Variants in ERAP1 observed in about 807,000 individuals in gnomAD.
The protein encoded by ERAP1 is endoplasmic reticulum aminopeptidase 1.
In ERAP1, 86 loss-of-function variants were observed where a neutral mutation model predicts 103.7. That is an observed-to-expected ratio of 0.83 (90% confidence interval 0.70 to 0.99). The LOEUF is 0.99. ERAP1 is among the 50% of genes least tolerant of loss of function. The pLI is 0.00. For missense variants in ERAP1, 1,009 were observed against 1,128.4 expected (o/e 0.89, Z 1.52); for synonymous variants, 398 against 402.4 (o/e 0.99, Z 0.13).
At chr5:96,857,558 C>T in the ERAP1 span, among the ~76,000 whole-genome samples, 1 of 152,140 alleles carries the variant, frequency 6.6e-6, no homozygotes, top group Admixed American at 6.5e-5. Context: ...TGGGTATTAT[C>T]ATCAATCCCA....
intron 18 of ERAP1, chr5:96,776,896 T>TATC (rs1774406948): frequency 4.2e-6 from 1 of 236,666 alleles, no homozygotes; most frequent in African/African-American, 2.3e-5. Context: ...AAAAACATGA[T>TATC]ATCTAAAAAG....
the ERAP1 span, among the ~76,000 whole-genome samples, chr5:96,831,708 T>C: frequency 2.0e-5 from 3 of 152,164 alleles, no homozygotes; most frequent in Admixed American, 2.0e-4. Context: ...ATAGCATCTG[T>C]CTGGCTGGGA....
the ERAP1 span, among the ~76,000 whole-genome samples, chr5:96,895,054 G>A: frequency 6.6e-6 from 1 of 151,946 alleles, no homozygotes; most frequent in African/African-American, 2.4e-5. Context: ...AGAAAACCAA[G>A]CAAAAATGTG....
chr5:96,932,678 A>C, the ERAP1 span, among the ~76,000 whole-genome samples: 1 of 152,170 alleles, frequency 6.6e-6, no homozygotes, highest in South Asian at 2.1e-4. Flanking sequence ...TGAGGCTTGG[A>C]TTTGCTGATC....
the ERAP1 span, among the ~76,000 whole-genome samples, chr5:96,891,561 CACAT>C: frequency 1.1e-4 from 13 of 118,930 alleles, no homozygotes; most frequent in African/African-American, 2.9e-4. Flanking sequence ...CACACACACA[CACAT>C]ATATGGTACA....
chr5:96,887,308 T>A, the ERAP1 span, among the ~76,000 whole-genome samples: 6 of 150,888 alleles, frequency 4.0e-5, no homozygotes, highest in Non-Finnish European at 8.9e-5. Flanking sequence ...TCCGACTTTT[T>A]TTTTTTTTTT....
At chr5:96,907,174 T>C in the ERAP1 span, among the ~76,000 whole-genome samples, 2 of 152,244 alleles carry the variant, frequency 1.3e-5, no homozygotes, top group African/African-American at 2.4e-5. Context: ...TTTATGTTTA[T>C]ATATGTTTTA....
the ERAP1 span, among the ~76,000 whole-genome samples, chr5:96,923,390 G>A: frequency 1.3e-5 from 2 of 152,064 alleles, no homozygotes; most frequent in African/African-American, 4.8e-5. Flanking sequence ...CCTAAAACGT[G>A]CTGTCTAAAA....
upstream of ERAP1, chr5:96,808,093 GA>G (rs1467403191): frequency 1.0e-6 from 1 of 985,574 alleles, no homozygotes; most frequent in East Asian, 1.1e-4. Flanking sequence ...CCCAGGAAGG[GA>G]ATTGGTAAAT....
chr5:96,871,895 A>G, the ERAP1 span, among the ~76,000 whole-genome samples: 70 of 152,284 alleles, frequency 4.6e-4, no homozygotes, highest in African/African-American at 1.6e-3. Flanking sequence ...TTTCTGTTAC[A>G]ACTGAATGAG....
At chr5:96,872,790 T>C in the ERAP1 span, among the ~76,000 whole-genome samples, 1 of 152,180 alleles carries the variant, frequency 6.6e-6, no homozygotes, top group African/African-American at 2.4e-5. Flanking sequence ...ATGTTTCAAT[T>C]CTCTTGATCC....
intron 3 of ERAP1, 100 bp from the exon 4 acceptor site, chr5:96,797,409 A>C (rs945847251): frequency 7.3e-7 from 1 of 1,379,108 alleles, no homozygotes; most frequent in South Asian, 1.2e-5. Context: ...AAAGTGTATC[A>C]ATCCCAGCAC....
the ERAP1 span, among the ~76,000 whole-genome samples, chr5:96,835,333 C>T: frequency 6.6e-6 from 1 of 152,160 alleles, no homozygotes; most frequent in Non-Finnish European, 1.5e-5. Context: ...CTGACAAGAA[C>T]TTGATTGAGG....
At chr5:96,828,176 T>C in the ERAP1 span, among the ~76,000 whole-genome samples, 1 of 152,220 alleles carries the variant, frequency 6.6e-6, no homozygotes, top group African/African-American at 2.4e-5. Context: ...TTATGGTGTC[T>C]AGCTCCTAGT....
At chr5:96,834,712 C>G in the ERAP1 span, among the ~76,000 whole-genome samples, 2 of 152,100 alleles carry the variant, frequency 1.3e-5, no homozygotes, top group African/African-American at 4.8e-5. Context: ...ACACAATAAA[C>G]CTGTGAATGT....
chr5:96,798,208 C>T (rs1046639525), intron 3 of ERAP1, among the ~76,000 whole-genome samples: 4 of 150,906 alleles, frequency 2.7e-5, no homozygotes, highest in Admixed American at 6.6e-5. Context: ...GCCTGTAGTC[C>T]CAGCTACTCG....
the ERAP1 span, chr5:96,889,383 A>G: frequency 7.3e-6 from 11 of 1,507,188 alleles, no homozygotes; most frequent in Admixed American, 1.7e-5. Context: ...TTCTCTTTCT[A>G]TGTGATTTAA....
At chr5:96,908,456 C>T in the ERAP1 span, among the ~76,000 whole-genome samples, 10 of 152,244 alleles carry the variant, frequency 6.6e-5, no homozygotes, top group South Asian at 4.1e-4. Context: ...CAATGATTAC[C>T]GCTTCTCTGA....
chr5:96,871,175 A>G, the ERAP1 span, among the ~76,000 whole-genome samples: 2,249 of 152,124 alleles, frequency 0.015, 62 homozygotes, highest in African/African-American at 0.051. Flanking sequence ...CCTCAACTCA[A>G]AGAATCTGCT....
Sources: gnomAD v4.1 joint callset for allele counts (sites outside exome capture counted in the v4.1 genomes callset) on GRCh38, gnomAD v4.1.1 for gene constraint, MANE v1.5 for transcripts, NCBI Gene and HGNC (gene_info 2026-07-23, HGNC 2026-07-21) for gene names.